The following CHODL variants were observed in gnomAD, a reference collection of about 807,000 sequenced individuals.
CHODL encodes the protein chondrolectin, also known as transmembrane protein MT75.
In CHODL, 29 loss-of-function variants were observed where a neutral mutation model predicts 34.5. The observed-to-expected ratio is 0.84, with a 90% CI of 0.63 to 1.15. The LOEUF (loss-of-function observed/expected upper bound fraction) is 1.15, where lower values mean the gene tolerates loss of function less well. Ranked by LOEUF, CHODL falls within the 50% of genes most tolerant of loss-of-function variation. The pLI, the probability that CHODL is intolerant of heterozygous loss-of-function variation, is 0.00. For missense variants in CHODL, 332 were observed against 332.5 expected, an observed-to-expected ratio of 1.00 and a Z score of 0.01; for synonymous variants, 125 against 116.1, an observed-to-expected ratio of 1.08 and a Z score of -0.49.
chr21:18,080,039 T>A (rs2064922350), intron 2 of CHODL, among the ~76,000 whole-genome samples: 1 of 152,126 alleles, frequency 6.6e-6, no homozygotes, highest in East Asian at 1.9e-4. Flanking sequence ...CTGACCGGTC[T>A]AAGATGGTAT....
Position 18,256,699 on chromosome 21 carries a change from C to G in CHODL, c.270C>G (p.Pro90=), listed in dbSNP as rs61739664. ...GCATGTTGCAAAACCTGACAAAACC[C>G]GGGACAGGGATTTCTGATGGTGATT... ...IESMLQNLTK[P]GTGISDGDFW... Residue 90 remains proline, a synonymous_variant, in exon 2 of 6, where the codon CCC becomes CCG. Coordinates refer to ENST00000299295, the MANE Select transcript of CHODL (RefSeq NM_024944.3). 2 of 1,613,942 alleles carry G rather than the reference C, an allele frequency of 1.2e-6. No individual in the cohort carries two copies. The highest frequency in any genetic ancestry group is 1.7e-6 in the Non-Finnish European group (2 of 1,179,942).
chr21:17,952,277 A>G (rs2063465112), intron 1 of CHODL, among the ~76,000 whole-genome samples: 1 of 151,954 alleles, frequency 6.6e-6, no homozygotes, highest in Admixed American at 6.6e-5. Context: ...AAGGAAAACT[A>G]TTTTTAGGTA....
rs529249272 is a variant in CHODL at position 18,212,259 on chromosome 21, A to G, written c.-44-44250A>G. On this transcript the variant is annotated intron_variant, in intron 2 of 6. Coordinates refer to the CHODL transcript ENST00000400127. ...CCAAACAATATCATAGTTAATAGCA[A>G]TTTTGATGTCTGAAGCCACCATAAT... Among the ~76,000 whole-genome samples the G allele has an allele frequency of 7.2e-4, 109 of 152,300 alleles. 1 individual carries two copies. The highest frequency in any genetic ancestry group is 2.6e-3 in the African/African-American group (107 of 41,582).
chr21:18,208,109 A>G, intron 2 of CHODL, among the ~76,000 whole-genome samples: 1 of 149,850 alleles, frequency 6.7e-6, no homozygotes, highest in Non-Finnish European at 1.5e-5. Context: ...ATTAAGATTT[A>G]CTGTTTTGAG....
chr21:18,062,341 C>T (rs573590683), intron 2 of CHODL, among the ~76,000 whole-genome samples: 4 of 152,044 alleles, frequency 2.6e-5, no homozygotes, highest in African/African-American at 7.2e-5. Flanking sequence ...CCTGAGTACC[C>T]GAGATTACAG....
intron 2 of CHODL, among the ~76,000 whole-genome samples, chr21:18,208,601 T>G (rs1272942973): frequency 6.6e-6 from 1 of 152,160 alleles, no homozygotes; most frequent in African/African-American, 2.4e-5. Flanking sequence ...GCAGTCTTCA[T>G]ACTCTGGGCT....
At chr21:18,136,682 A>G (rs906094931) in intron 2 of CHODL, among the ~76,000 whole-genome samples, 1 of 148,380 alleles carries the variant, frequency 6.7e-6, no homozygotes, top group Non-Finnish European at 1.5e-5. Context: ...CTATTTACAG[A>G]GTAGCAGATA....
chr21:18,218,626 T>C (rs2073853830), intron 2 of CHODL, among the ~76,000 whole-genome samples: 1 of 152,202 alleles, frequency 6.6e-6, no homozygotes. Flanking sequence ...CAGCTTGAAT[T>C]TCTCCCCAGA....
At chr21:18,101,269 C>A (rs2065210175) in intron 2 of CHODL, among the ~76,000 whole-genome samples, 1 of 152,140 alleles carries the variant, frequency 6.6e-6, no homozygotes. Context: ...GATTGTGAGA[C>A]CTCCCTAGCC....
intron 2 of CHODL, among the ~76,000 whole-genome samples, chr21:18,063,088 C>T (rs1213665836): frequency 6.6e-6 from 1 of 152,106 alleles, no homozygotes; most frequent in African/African-American, 2.4e-5. Flanking sequence ...TTTCAAATAA[C>T]TGAAGATCAG....
At chr21:18,123,439 A>G (rs572734445) in intron 2 of CHODL, among the ~76,000 whole-genome samples, 2 of 152,346 alleles carry the variant, frequency 1.3e-5, no homozygotes, top group East Asian at 3.9e-4. Context: ...ATTTGCTGCT[A>G]TAACAGAATA....
At chr21:17,941,571 A>G (rs1362982899) in intron 1 of CHODL, among the ~76,000 whole-genome samples, 1 of 151,996 alleles carries the variant, frequency 6.6e-6, no homozygotes, top group Non-Finnish European at 1.5e-5. Flanking sequence ...TAAAAAACAG[A>G]GGGATAATGT....
At chr21:18,206,204 G>C (rs1568936836) in intron 2 of CHODL, among the ~76,000 whole-genome samples, 1 of 152,148 alleles carries the variant, frequency 6.6e-6, no homozygotes, top group Admixed American at 6.5e-5. Context: ...TTTCTGTCTG[G>C]ATGACTTGTT....
At chr21:18,152,763 G>T (rs1412437470) in intron 2 of CHODL, among the ~76,000 whole-genome samples, 1 of 152,204 alleles carries the variant, frequency 6.6e-6, no homozygotes, top group Non-Finnish European at 1.5e-5. Flanking sequence ...ATCGTTCATG[G>T]TATATGCACC....
At chr21:18,232,747 G>A (rs1456653409) in intron 2 of CHODL, among the ~76,000 whole-genome samples, 1 of 151,684 alleles carries the variant, frequency 6.6e-6, no homozygotes, top group African/African-American at 2.4e-5. Flanking sequence ...TGAAGAATTA[G>A]GTGTCTGAAG....
At chr21:18,136,124 A>AAAG (rs2072723930) in intron 2 of CHODL, among the ~76,000 whole-genome samples, 1 of 134,608 alleles carries the variant, frequency 7.4e-6, no homozygotes, top group Non-Finnish European at 1.7e-5. Context: ...AAAAAGAAAA[A>AAAG]GAAAAAAAAG....
intron 2 of CHODL, among the ~76,000 whole-genome samples, chr21:18,148,612 C>G (rs536817154): frequency 6.6e-6 from 1 of 152,240 alleles, no homozygotes; most frequent in Non-Finnish European, 1.5e-5. Flanking sequence ...AGCCAGCCTT[C>G]AAATATTCAT....
chr21:18,252,422 A>G (rs1275218680), intron 1 of CHODL, among the ~76,000 whole-genome samples: 1 of 152,152 alleles, frequency 6.6e-6, no homozygotes, highest in Non-Finnish European at 1.5e-5. Flanking sequence ...AGTTGCTTCC[A>G]GAAGATCTGC....
chr21:18,151,162 A>C (rs981933465), intron 2 of CHODL, among the ~76,000 whole-genome samples: 10 of 151,842 alleles, frequency 6.6e-5, no homozygotes, highest in Non-Finnish European at 1.5e-4. Context: ...TCCCCATTTC[A>C]GAAATTCTTC....
Sources: allele counts gnomAD v4.1 joint callset (sites outside exome capture counted in the v4.1 genomes callset), GRCh38; gene constraint gnomAD v4.1.1; transcripts MANE v1.5; gene names NCBI Gene and HGNC (gene_info 2026-07-23, HGNC 2026-07-21).